Variants in EYA3 observed in about 807,000 individuals in gnomAD.
The protein encoded by EYA3 is EYA transcriptional coactivator and phosphatase 3.
In EYA3, 39 loss-of-function variants were observed where a neutral mutation model predicts 80.0. That is an observed-to-expected ratio of 0.49 (90% CI 0.38 to 0.64). EYA3 has a LOEUF of 0.64. EYA3 is among the 30% of genes least tolerant of loss of function. The probability of loss-of-function intolerance (pLI) is 0.00; values close to 1 mark genes in which losing one functional copy is unlikely to be tolerated. For missense variants in EYA3, 523 were observed against 676.1 expected (o/e 0.77, Z 2.51); for synonymous variants, 206 against 232.8 (o/e 0.88, Z 1.05).
chr1:28,061,590 T>TG (rs1022517390), intron 1 of EYA3, among the ~76,000 whole-genome samples: 2 of 137,890 alleles, frequency 1.5e-5, no homozygotes, highest in African/African-American at 2.6e-5. Context: ...GAATTTAACG[T>TG]GTTTTTTTTT....
chr1:28,041,469 C>T (rs1643773168), intron 4 of EYA3, among the ~76,000 whole-genome samples: 1 of 152,088 alleles, frequency 6.6e-6, no homozygotes, highest in Non-Finnish European at 1.5e-5. Context: ...AGGAGAATCA[C>T]TTGAACCCGG....
chr1:28,070,360 G>T (rs1479245272), intron 1 of EYA3, among the ~76,000 whole-genome samples: 1 of 152,054 alleles, frequency 6.6e-6, no homozygotes, highest in Non-Finnish European at 1.5e-5. Flanking sequence ...AGGAAATCGA[G>T]ACCAGCCTGG....
chr1:28,008,892 C>T (rs757365852), intron 10 of EYA3, among the ~76,000 whole-genome samples: 10 of 152,176 alleles, frequency 6.6e-5, no homozygotes, highest in South Asian at 4.1e-4. Context: ...TGCAATGAGC[C>T]GAGATTGTGC....
At chr1:28,051,454 A>G (rs1276902655) in intron 2 of EYA3, among the ~76,000 whole-genome samples, 2 of 152,160 alleles carry the variant, frequency 1.3e-5, no homozygotes, top group Non-Finnish European at 2.9e-5. Flanking sequence ...TTGGGAGGCC[A>G]AGGCAGGTGG....
chr1:28,016,563 A>G (rs1394349710), intron 8 of EYA3, among the ~76,000 whole-genome samples: 2 of 151,532 alleles, frequency 1.3e-5, no homozygotes, highest in Non-Finnish European at 2.9e-5. Flanking sequence ...CAAAACCAGT[A>G]TAATAACCAG....
At chr1:28,002,440 T>C (rs1640931489) in intron 11 of EYA3, among the ~76,000 whole-genome samples, 1 of 150,782 alleles carries the variant, frequency 6.6e-6, no homozygotes, top group African/African-American at 2.4e-5. Context: ...ATTTTTTTAA[T>C]TTTATATATT....
intron 5 of EYA3, among the ~76,000 whole-genome samples, chr1:28,038,266 A>G (rs546968318): frequency 1.3e-5 from 2 of 151,814 alleles, no homozygotes; most frequent in Non-Finnish European, 1.5e-5. Flanking sequence ...GTGAAATCCC[A>G]TCTCTACTAA....
At chr1:28,028,054 G>A in intron 6 of EYA3, 128 bp from the exon 7 acceptor site, 1 of 978,564 alleles carries the variant, frequency 1.0e-6, no homozygotes, top group Admixed American at 2.6e-5. Flanking sequence ...GCTTGTAAGA[G>A]AAAATTATTG....
intron 1 of EYA3, among the ~76,000 whole-genome samples, chr1:28,063,483 G>A (rs11247746): frequency 0.34 from 50,624 of 149,876 alleles, 8,651 homozygotes; most frequent in East Asian, 0.5. Context: ...CAGCCTCCCA[G>A]GTAGCTGGGA....
chr1:28,035,425 G>A, intron 6 of EYA3, 119 bp downstream of exon 6: 4 of 1,080,950 alleles, frequency 3.7e-6, no homozygotes, highest in Non-Finnish European at 4.0e-6. Context: ...CTGTTGCAAA[G>A]TTGCATACCC....
chr1:27,989,947 T>A, intron 14 of EYA3, 136 bp from the exon 15 acceptor site: 1 of 400,994 alleles, frequency 2.5e-6, no homozygotes, highest in Non-Finnish European at 4.5e-6. Flanking sequence ...TATATATATA[T>A]ACATATACGT....
chr1:27,986,163 C>G (rs1279591474), intron 16 of EYA3, among the ~76,000 whole-genome samples: 1 of 151,734 alleles, frequency 6.6e-6, no homozygotes, highest in Non-Finnish European at 1.5e-5. Context: ...GTCAGGAGTT[C>G]AAGACCAACC....
At chr1:28,002,144 A>G (rs1429567548) in intron 11 of EYA3, among the ~76,000 whole-genome samples, 5 of 151,740 alleles carry the variant, frequency 3.3e-5, no homozygotes, top group African/African-American at 4.8e-5. Flanking sequence ...CGAACTCCTG[A>G]CCTCAGCTGA....
intron 1 of EYA3, among the ~76,000 whole-genome samples, chr1:28,067,628 C>T (rs1300568754): frequency 6.6e-6 from 1 of 151,720 alleles, no homozygotes; most frequent in African/African-American, 2.4e-5. Context: ...TTTGTGACAA[C>T]AGTATAGGCA....
chr1:28,011,135 G>C (rs1641668173), intron 9 of EYA3, 49 bp from the exon 10 acceptor site: 2 of 1,586,138 alleles, frequency 1.3e-6, no homozygotes, highest in Non-Finnish European at 1.7e-6. Context: ...CAGGCTATAA[G>C]AATCAGGGCA....
At chr1:28,088,330 C>A (rs1645748253) in intron 1 of EYA3, among the ~76,000 whole-genome samples, 194 bp downstream of exon 1, 1 of 152,038 alleles carries the variant, frequency 6.6e-6, no homozygotes, top group South Asian at 2.1e-4. Flanking sequence ...CACGGAAGCG[C>A]GAGAAGGCTA....
chr1:28,042,680 C>A (rs777917559), intron 3 of EYA3, 30 bp from the exon 4 acceptor site: 2 of 1,583,326 alleles, frequency 1.3e-6, no homozygotes, highest in Admixed American at 3.3e-5. Flanking sequence ...TACATTAGCC[C>A]CTGATTGATT....
chr1:27,988,766 G>T, intron 15 of EYA3, 110 bp from the exon 16 acceptor site: 1 of 1,252,456 alleles, frequency 8.0e-7, no homozygotes, highest in South Asian at 1.4e-5. Context: ...AACTTTAAAG[G>T]ACCTGGTATT....
At chr1:28,033,904 C>A (rs975544412) in intron 6 of EYA3, among the ~76,000 whole-genome samples, 2 of 151,168 alleles carry the variant, frequency 1.3e-5, no homozygotes, top group African/African-American at 4.9e-5. Flanking sequence ...AAGAGATCTG[C>A]CCAAACGGGG....
Sources: gnomAD v4.1 joint callset for allele counts (sites outside exome capture counted in the v4.1 genomes callset) on GRCh38, gnomAD v4.1.1 for gene constraint, MANE v1.5 for transcripts, NCBI Gene and HGNC (gene_info 2026-07-23, HGNC 2026-07-21) for gene names.